Variants in CIB4 observed in about 807,000 individuals in gnomAD.
CIB4 encodes calcium and integrin-binding family member 4.
Under a neutral mutation model 25.8 loss-of-function variants are expected in CIB4, and 25 were observed. That is an observed-to-expected ratio of 0.97 (90% CI 0.71 to 1.35). The LOEUF (loss-of-function observed/expected upper bound fraction) is 1.35. Among genes scored for constraint, CIB4 ranks in the 40% most tolerant of loss-of-function variants. The pLI, the probability that CIB4 is intolerant of heterozygous loss-of-function variation, is 0.00. For missense variants in CIB4, 235 were observed against 228.2 expected (o/e 1.03, Z -0.19); for synonymous variants, 75 against 81.4 (o/e 0.92, Z 0.42).
At chr2:26,582,271 C>T (rs1372835589) in intron 6 of CIB4, among the ~76,000 whole-genome samples, 2 of 152,216 alleles carry the variant, frequency 1.3e-5, no homozygotes, top group African/African-American at 4.8e-5. Flanking sequence ...CTCCAGGGGG[C>T]ACGCATCTCC....
intron 3 of CIB4, among the ~76,000 whole-genome samples, chr2:26,628,987 A>G (rs184327989): frequency 2.0e-5 from 3 of 152,238 alleles, no homozygotes; most frequent in African/African-American, 7.2e-5. Context: ...TTAAGTAAGG[A>G]ATGAGCAAAC....
chr2:26,621,129 TGA>T (rs1421609648), intron 3 of CIB4, among the ~76,000 whole-genome samples: 1 of 151,366 alleles, frequency 6.6e-6, no homozygotes, highest in Non-Finnish European at 1.5e-5. Flanking sequence ...CTGAAGGACA[TGA>T]GTTTCCAGAC....
Position 26,581,497 on chromosome 2 carries a change from T to G in CIB4, c.528-104A>C, listed in dbSNP as rs7608317. On this transcript the variant is annotated intron_variant, in intron 6 of 6. Coordinates refer to ENST00000288861, the MANE Select transcript of CIB4 (RefSeq NM_001029881.3). ...GGAGGCTCCCTCCCCGGCCTGCATC[T>G]CGTGTCCCTTTCTCTGGGTGACGGC... 7,809 of 1,128,682 alleles carry G rather than the reference T, an allele frequency of 6.9e-3. 373 individuals are homozygous for G. In the African/African-American group the frequency reaches 0.11, roughly 15 times the overall value. The allele number at this position is 1,128,682 out of a possible 1,614,324, so 69.9% of individuals were successfully genotyped here. A position where few individuals can be genotyped will look rare whatever the true frequency, so the allele number is the denominator to read the frequency against.
intron 3 of CIB4, among the ~76,000 whole-genome samples, chr2:26,599,987 C>T (rs962577635): frequency 1.4e-5 from 2 of 143,008 alleles, no homozygotes; most frequent in African/African-American, 2.8e-5. Context: ...GCAAGAGAAT[C>T]GTTTGAACCC....
chr2:26,602,017 G>A (rs145860403), intron 3 of CIB4, among the ~76,000 whole-genome samples: 2 of 152,290 alleles, frequency 1.3e-5, no homozygotes, highest in African/African-American at 2.4e-5. Context: ...TTTTGGGGGT[G>A]ATGGAACTGT....
At position 26,603,777 on chromosome 2, in the gene CIB4, C is replaced by T. The variant is rs138150154; in HGVS notation, c.187-8460G>A. Reference sequence around the variant, plus strand: ...CTTTCGGAGGCTGAGGCAGGCAGATCACTTGAGCCCAGGAGTTCAAGACCA... The same window carrying T: ...CTTTCGGAGGCTGAGGCAGGCAGATTACTTGAGCCCAGGAGTTCAAGACCA... On this transcript the variant is annotated intron_variant, in intron 3 of 6. Coordinates refer to ENST00000288861, the MANE Select transcript of CIB4 (RefSeq NM_001029881.3). Among the ~76,000 whole-genome samples, 657 of 152,174 alleles carry T rather than the reference C, an allele frequency of 4.3e-3. 3 individuals carry two copies. The highest frequency in any genetic ancestry group is 0.015 in the African/African-American group (604 of 41,526).
At chr2:26,588,757 G>A (rs1558554307) in intron 4 of CIB4, among the ~76,000 whole-genome samples, 1 of 152,188 alleles carries the variant, frequency 6.6e-6, no homozygotes, top group Non-Finnish European at 1.5e-5. Context: ...TACCTGCCTG[G>A]GGATAATTCC....
At chr2:26,641,115 C>T in intron 1 of CIB4, 146 bp downstream of exon 1, 1 of 726,272 alleles carries the variant, frequency 1.4e-6, no homozygotes. Flanking sequence ...TATGTGTGGC[C>T]CAAGACAATT....
In CIB4 at chr2:26,624,854, A is replaced by T. The variant is rs192921691; in HGVS notation, c.186+4556T>A. ...GGTATTATGGTGTATATATATATAT[A>T]TTTTTTTTATATAGGCATTATAGTC... is the stretch of plus-strand genomic sequence containing the variant. On this transcript the variant is annotated intron_variant, in intron 3 of 6. Transcript: ENST00000288861. Among the ~76,000 whole-genome samples the T allele has an allele frequency of 4.1e-3, 622 of 150,556 alleles. 7 individuals carry two copies. The highest frequency in any genetic ancestry group is 0.034 in the East Asian group (174 of 5,154).
intron 3 of CIB4, among the ~76,000 whole-genome samples, chr2:26,626,886 A>G (rs1334014005): frequency 4.6e-5 from 7 of 152,140 alleles, no homozygotes; most frequent in African/African-American, 1.7e-4. Flanking sequence ...GGAACAGGGG[A>G]AGCATAAAAG....
intron 3 of CIB4, among the ~76,000 whole-genome samples, chr2:26,624,891 T>C (rs2148220399): frequency 6.6e-6 from 1 of 152,258 alleles, no homozygotes; most frequent in African/African-American, 2.4e-5. Flanking sequence ...ATAATAATTG[T>C]ATATTTGGAA....
At chr2:26,600,659 C>T (rs1439086088) in intron 3 of CIB4, among the ~76,000 whole-genome samples, 4 of 152,100 alleles carry the variant, frequency 2.6e-5, no homozygotes, top group Non-Finnish European at 5.9e-5. Context: ...GAGCAGAGCC[C>T]ATGTCCTGGG....
At chr2:26,608,896 T>C (rs1283755746) in intron 3 of CIB4, among the ~76,000 whole-genome samples, 1 of 152,106 alleles carries the variant, frequency 6.6e-6, no homozygotes, top group East Asian at 1.9e-4. Context: ...TCTTGCTCTC[T>C]CGTCGCTCAT....
At chr2:26,609,665 G>A (rs1668960141) in intron 3 of CIB4, among the ~76,000 whole-genome samples, 1 of 152,128 alleles carries the variant, frequency 6.6e-6, no homozygotes, top group African/African-American at 2.4e-5. Context: ...GGATTTCACA[G>A]CCATTTCAAC....
At chr2:26,626,001 C>A (rs1196818827) in intron 3 of CIB4, among the ~76,000 whole-genome samples, 1 of 152,122 alleles carries the variant, frequency 6.6e-6, no homozygotes, top group African/African-American at 2.4e-5. Flanking sequence ...GAATTCTTTC[C>A]CCATTGCTCA....
chr2:26,640,158 C>T (rs1408116902), intron 2 of CIB4, among the ~76,000 whole-genome samples: 1 of 152,200 alleles, frequency 6.6e-6, no homozygotes, highest in Non-Finnish European at 1.5e-5. Flanking sequence ...TTCAGTCATG[C>T]ATCCAAGTTT....
At chr2:26,601,117 A>G (rs1183251289) in intron 3 of CIB4, among the ~76,000 whole-genome samples, 1 of 151,124 alleles carries the variant, frequency 6.6e-6, no homozygotes, top group African/African-American at 2.4e-5. Flanking sequence ...GGTACTTGGG[A>G]GGCTGAGGTA....
intron 3 of CIB4, among the ~76,000 whole-genome samples, chr2:26,617,721 C>A (rs981487232): frequency 1.3e-5 from 2 of 152,168 alleles, no homozygotes; most frequent in African/African-American, 4.8e-5. Flanking sequence ...CTGTCCCTGC[C>A]TGGGTTGAGG....
chr2:26,623,579 T>C lies in CIB4; in HGVS notation c.186+5831A>G, dbSNP rs1407450655. On this transcript the variant is annotated intron_variant, in intron 3 of 6. Coordinates refer to ENST00000288861, the MANE Select transcript of CIB4 (RefSeq NM_001029881.3). ...AGATACATAGAAACCGAGATGGAGC[T>C]GAAACCTTAGGGGCCATCCTGACCA... 6.4e-6 allele frequency: 3 copies of C among 471,362 alleles called. No individual in the cohort carries two copies. In the East Asian group the frequency reaches 2.1e-4, roughly 33 times the overall value. 29.2% of individuals were successfully genotyped at this position (471,362 alleles called of 1,614,324 possible).
Sources: allele counts gnomAD v4.1 joint callset (sites outside exome capture counted in the v4.1 genomes callset), GRCh38; gene constraint gnomAD v4.1.1; transcripts MANE v1.5; gene names NCBI Gene and HGNC (gene_info 2026-07-23, HGNC 2026-07-21).